RUNX2: variants seen among roughly 807,000 people sequenced by gnomAD.
RUNX2 encodes RUNX family transcription factor 2, also known as runt-related transcription factor 2.
RUNX2 carries 10 observed loss-of-function variants against 51.7 expected under a neutral mutation model. The ratio of observed to expected loss-of-function variants is 0.19; its 90% CI spans 0.12 to 0.33. The LOEUF is 0.33. RUNX2 is among the 10% of genes least tolerant of loss of function. The probability of loss-of-function intolerance (pLI) is 1.00; values close to 1 mark genes in which losing one functional copy is unlikely to be tolerated. For missense variants in RUNX2, 562 were observed against 691.3 expected (o/e 0.81, Z 2.10); for synonymous variants, 276 against 273.6 (o/e 1.01, Z -0.09).
chr6:45,440,757 G>A (rs1004205442), intron 5 of RUNX2, among the ~76,000 whole-genome samples: 5 of 151,954 alleles, frequency 3.3e-5, no homozygotes, highest in Non-Finnish European at 7.4e-5. Flanking sequence ...TACACCTTAT[G>A]CACACAGTTT....
chr6:45,474,533 T>C lies in RUNX2; in HGVS notation c.686-17408T>C, dbSNP rs1382121170. ...AGAAGAAATATAAACAAACCATCGA[T>C]GTTTGTTCACATCTGTTAATAAGCC... On this transcript the variant is annotated intron_variant, in intron 5 of 8. Transcript: ENST00000647337. Among the ~76,000 whole-genome samples the C allele has an allele frequency of 2.0e-5, 3 of 152,036 alleles. No homozygotes were observed. In the South Asian group the frequency reaches 6.2e-4, roughly 32 times the overall value.
intron 2 of RUNX2, among the ~76,000 whole-genome samples, chr6:45,367,300 A>T (rs549882150): frequency 1.3e-5 from 2 of 152,326 alleles, no homozygotes; most frequent in Non-Finnish European, 2.9e-5. Flanking sequence ...CTGAGCCCGA[A>T]AACCAAAATT....
intron 6 of RUNX2, among the ~76,000 whole-genome samples, chr6:45,494,950 C>T (rs1057148111): frequency 6.6e-6 from 1 of 152,202 alleles, no homozygotes; most frequent in Non-Finnish European, 1.5e-5. Flanking sequence ...TGTGCCCCAA[C>T]TGTAATACCA....
At chr6:45,474,006 C>T (rs758336394) in intron 5 of RUNX2, among the ~76,000 whole-genome samples, 27 of 152,290 alleles carry the variant, frequency 1.8e-4, no homozygotes, top group South Asian at 2.1e-4. Flanking sequence ...TTATTATCTG[C>T]GCCAAATGAT....
At chr6:45,367,212 T>C (rs1795280715) in intron 2 of RUNX2, among the ~76,000 whole-genome samples, 1 of 152,044 alleles carries the variant, frequency 6.6e-6, no homozygotes, top group South Asian at 2.1e-4. Context: ...CTGAGGGCCC[T>C]AACAGCCAGG....
chr6:45,446,956 C>T (rs549150938), intron 5 of RUNX2, among the ~76,000 whole-genome samples: 18 of 152,314 alleles, frequency 1.2e-4, no homozygotes, highest in Non-Finnish European at 2.1e-4. Context: ...CTCCAGTTCT[C>T]ATAATTTCTC....
chr6:45,508,134 T>C (rs374065607), intron 6 of RUNX2, among the ~76,000 whole-genome samples: 4 of 152,094 alleles, frequency 2.6e-5, no homozygotes, highest in East Asian at 3.8e-4. Context: ...ATGGCTTTTG[T>C]TTAAAAGGTT....
intron 5 of RUNX2, among the ~76,000 whole-genome samples, chr6:45,455,447 G>A (rs189425068): frequency 2.6e-5 from 4 of 152,142 alleles, no homozygotes; most frequent in East Asian, 3.9e-4. Flanking sequence ...CTTTAATAAC[G>A]TATCCATATT....
chr6:45,379,328 G>C (rs568091741), intron 2 of RUNX2, among the ~76,000 whole-genome samples: 16 of 152,300 alleles, frequency 1.1e-4, no homozygotes, highest in Non-Finnish European at 1.8e-4. Context: ...GGGAAGACTG[G>C]TTGAAAGCTC....
chr6:45,379,439 A>G (rs1368967068), intron 2 of RUNX2, among the ~76,000 whole-genome samples: 1 of 152,220 alleles, frequency 6.6e-6, no homozygotes, highest in East Asian at 1.9e-4. Flanking sequence ...AATTAAAATT[A>G]TGTTCAGTTA....
chr6:45,493,774 A>G (rs1293131370), intron 6 of RUNX2, among the ~76,000 whole-genome samples: 1 of 151,718 alleles, frequency 6.6e-6, no homozygotes, highest in Non-Finnish European at 1.5e-5. Context: ...AAGCAAATGT[A>G]TATATATACA....
chr6:45,390,182 G>C (rs897444324), intron 2 of RUNX2, among the ~76,000 whole-genome samples: 2 of 152,154 alleles, frequency 1.3e-5, no homozygotes, highest in African/African-American at 4.8e-5. Context: ...TCCATGAATA[G>C]TATTTGGCTT....
intron 2 of RUNX2, among the ~76,000 whole-genome samples, chr6:45,413,674 C>T (rs2150357793): frequency 6.6e-6 from 1 of 152,170 alleles, no homozygotes; most frequent in African/African-American, 2.4e-5. Flanking sequence ...TGTGATCCGC[C>T]AGCCTTGGCC....
rs150088136 is a variant in RUNX2, at chr6:45,422,863, C to T, written c.329C>T (p.Pro110Leu). The change falls in exon 3 of 9, where the codon CCG becomes CTG. Residue 110 changes from proline to leucine, a missense_variant. Physicochemically the swap from Pro to Leu is moderately conservative, Grantham distance 98. This residue lies in a region of RUNX2 where 67 missense variants were observed against 106.5 expected (regional missense o/e 0.63). Coordinates refer to ENST00000647337, the MANE Select transcript of RUNX2 (RefSeq NM_001024630.4). ...ATGGTGGAGATCATCGCCGACCACCCGGCCGAACTCGTCCGCACCGACAGC... is the reference window on the plus strand; with the variant it reads ...ATGGTGGAGATCATCGCCGACCACCTGGCCGAACTCGTCCGCACCGACAGC... ...RTMVEIIADH[P>L]AELVRTDSPN... 6.2e-7 allele frequency: 1 copy of T among 1,611,804 alleles called. No individual in the cohort carries two copies. Among genetic ancestry groups the T allele is most frequent in the African/African-American group, 1.3e-5 (1 of 74,812 alleles).
At chr6:45,480,825 G>A (rs1800092468) in intron 5 of RUNX2, among the ~76,000 whole-genome samples, 1 of 152,186 alleles carries the variant, frequency 6.6e-6, no homozygotes, top group South Asian at 2.1e-4. Flanking sequence ...TCCAGTTTAA[G>A]CAAGAAATTC....
intron 7 of RUNX2, among the ~76,000 whole-genome samples, chr6:45,544,735 C>T (rs1478419832): frequency 1.4e-4 from 21 of 152,206 alleles, no homozygotes; most frequent in Non-Finnish European, 1.0e-4. Context: ...CACCTGGATG[C>T]CCTGCAATGC....
intron 7 of RUNX2, among the ~76,000 whole-genome samples, chr6:45,536,857 C>G (rs1582220175): frequency 6.6e-6 from 1 of 152,222 alleles, no homozygotes; most frequent in African/African-American, 2.4e-5. Flanking sequence ...ACCAGCATCT[C>G]TCTTCTCAGT....
intron 3 of RUNX2, among the ~76,000 whole-genome samples, chr6:45,426,999 C>T (rs887130344): frequency 1.3e-5 from 2 of 151,892 alleles, no homozygotes; most frequent in South Asian, 2.1e-4. Context: ...CCTTATTAAC[C>T]GTAATATAAA....
intron 5 of RUNX2, among the ~76,000 whole-genome samples, chr6:45,449,381 T>C (rs765724): frequency 0.72 from 109,547 of 152,106 alleles, 40,101 homozygotes; most frequent in East Asian, 0.95. Flanking sequence ...GCTTAGACAT[T>C]ACCTCAGTGA....
Sources: gnomAD v4.1 joint callset for allele counts (sites outside exome capture counted in the v4.1 genomes callset) on GRCh38, gnomAD v4.1.1 for gene constraint, gnomAD v4.1.1 regional missense constraint, MANE v1.5 for transcripts, NCBI Gene and HGNC (gene_info 2026-07-23, HGNC 2026-07-21) for gene names.